Variants in WDR33 observed in about 807,000 individuals in gnomAD.
WDR33 encodes WD repeat domain 33, also known as pre-mRNA 3' end processing protein WDR33.
In WDR33, 47 loss-of-function variants were observed where a neutral mutation model predicts 164.9. The ratio of observed to expected loss-of-function variants is 0.29; its 90% CI spans 0.23 to 0.36. WDR33 has a LOEUF of 0.36. Ranked by LOEUF, WDR33 falls within the 10% of genes least tolerant of loss-of-function variation. The probability of loss-of-function intolerance (pLI) is 1.00; values close to 1 mark genes in which losing one functional copy is unlikely to be tolerated. For missense variants in WDR33, 1,137 were observed against 1,754.1 expected (o/e 0.65, Z 6.28); for synonymous variants, 505 against 589.0 (o/e 0.86, Z 2.06).
At chr2:127,797,484 TAC>T (rs1558962403) in intron 1 of WDR33, among the ~76,000 whole-genome samples, 1 of 151,978 alleles carries the variant, frequency 6.6e-6, no homozygotes, top group Non-Finnish European at 1.5e-5. Context: ...AGAACAAGAC[TAC>T]GTCACACACA....
chr2:127,767,538 C>A (rs1687858824), intron 4 of WDR33, among the ~76,000 whole-genome samples: 1 of 151,894 alleles, frequency 6.6e-6, no homozygotes, highest in East Asian at 1.9e-4. Context: ...ACGGTGAAAC[C>A]CCGTCTCTAC....
At chr2:127,779,918 C>A (rs1389322867) in intron 1 of WDR33, among the ~76,000 whole-genome samples, 1 of 151,920 alleles carries the variant, frequency 6.6e-6, no homozygotes. Context: ...ATTATTGATG[C>A]ATTAACTAGC....
rs1046662202 is a variant in WDR33 at position 127,726,187 on chromosome 2, A to G, written c.851+464T>C. ...AATGTTCACAAATAACTGAAAGAGA[A>G]AACTAGATTACATAGCTGCATCGTA... On this transcript the variant is annotated intron_variant, in intron 8 of 21. Coordinates refer to ENST00000322313, the MANE Select transcript of WDR33 (RefSeq NM_018383.5). This position sits in a 1 kb window ranked among gnomAD's most constrained non-coding sequence, Gnocchi z 4.8. Among the ~76,000 whole-genome samples, 1 of 152,254 alleles carries G rather than the reference A, an allele frequency of 6.6e-6. No individual in the cohort carries two copies. The highest frequency in any genetic ancestry group is 2.4e-5 in the African/African-American group (1 of 41,468).
chr2:127,788,168 C>T (rs1301906837), intron 1 of WDR33, among the ~76,000 whole-genome samples: 79 of 102,552 alleles, frequency 7.7e-4, no homozygotes, highest in Non-Finnish European at 8.8e-4. Context: ...CCCTCACCTC[C>T]CAGACGGGGC....
chr2:127,754,002 G>A (rs897840850), intron 7 of WDR33, among the ~76,000 whole-genome samples: 6 of 152,144 alleles, frequency 3.9e-5, no homozygotes, highest in African/African-American at 1.4e-4. Flanking sequence ...GAGGTAGTTA[G>A]GCAAGTGTAT....
chr2:127,782,775 C>T (rs374317237), intron 1 of WDR33, among the ~76,000 whole-genome samples: 1 of 152,034 alleles, frequency 6.6e-6, no homozygotes, highest in Non-Finnish European at 1.5e-5. Flanking sequence ...TTTGGGAGGC[C>T]GAGGCAGGTG....
chr2:127,733,423 T>C (rs919815192), intron 7 of WDR33, among the ~76,000 whole-genome samples: 11 of 152,250 alleles, frequency 7.2e-5, no homozygotes, highest in African/African-American at 2.4e-4. Context: ...GGAGGTACAA[T>C]TGCAAAATTC....
Position 127,708,536 on chromosome 2 carries a change from C to T in WDR33, c.3781+141G>A. 1 of 917,246 alleles carries T rather than the reference C, an allele frequency of 1.1e-6. No homozygotes were observed. Among genetic ancestry groups the T allele is most frequent in the Non-Finnish European group, 1.6e-6 (1 of 617,140 alleles). 56.8% of individuals were successfully genotyped at this position (917,246 alleles called of 1,614,324 possible). On this transcript the variant is annotated intron_variant, in intron 21 of 21. Coordinates refer to ENST00000322313, the MANE Select transcript of WDR33 (RefSeq NM_018383.5). This position sits in a 1 kb window ranked among gnomAD's most constrained non-coding sequence, Gnocchi z 6.7. The stretch of plus-strand genomic sequence containing the variant: ...GGCTGAGTTGCAGTCCACCAGATGA[C>T]AGCTCGTGTGGCACTGGCACCACAT...
At chr2:127,765,943 T>C (rs1343973294) in intron 4 of WDR33, among the ~76,000 whole-genome samples, 1 of 152,168 alleles carries the variant, frequency 6.6e-6, no homozygotes, top group Non-Finnish European at 1.5e-5. Flanking sequence ...TACACATAGA[T>C]GTATATATTT....
Position 127,705,189 on chromosome 2 carries a change from C to A in WDR33, c.*1134G>T, listed in dbSNP as rs1388316347. ...AATGTTAAGGTGGCCATAGGACAGT[C>A]CTTTTAATAAAAGCTTCCATGTAAA... On this transcript the variant is annotated 3_prime_UTR_variant, in exon 22 of 22. Coordinates refer to ENST00000322313, the MANE Select transcript of WDR33 (RefSeq NM_018383.5). The surrounding 1 kb of genome is among the most constrained non-coding windows in gnomAD (Gnocchi z 4.5). 2.4e-5 allele frequency: 4 copies of A among 167,080 alleles called. No individual in the cohort carries two copies. Among genetic ancestry groups the A allele is most frequent in the Non-Finnish European group, 2.9e-5 (2 of 68,122 alleles). 10.3% of individuals were successfully genotyped at this position (167,080 alleles called of 1,614,324 possible). A position where few individuals can be genotyped will look rare whatever the true frequency, so the allele number is the denominator to read the frequency against.
Position 127,735,798 on chromosome 2 carries a change from A to G in WDR33, c.725-9021T>C, listed in dbSNP as rs1255002457. 4 of 985,438 alleles carry G rather than the reference A, an allele frequency of 4.1e-6. No individual in the cohort carries two copies. Among genetic ancestry groups the G allele is most frequent in the Non-Finnish European group, 4.8e-6 (4 of 829,914 alleles). The allele number at this position is 985,438 out of a possible 1,614,324, so 61.0% of individuals were successfully genotyped here. A position where few individuals can be genotyped will look rare whatever the true frequency, so the allele number is the denominator to read the frequency against. ...GCTCTGGTCAAGGAATATGCAATTT[A>G]TTAGTATTTTACCTTCCTTTAATGC... On this transcript the variant is annotated intron_variant, in intron 7 of 21. Transcript: ENST00000322313. This position sits in a 1 kb window ranked among gnomAD's most constrained non-coding sequence, Gnocchi z 4.3.
intron 3 of WDR33, among the ~76,000 whole-genome samples, chr2:127,768,531 C>A (rs1180968722): frequency 6.6e-6 from 1 of 152,132 alleles, no homozygotes; most frequent in East Asian, 1.9e-4. Context: ...AGTACCAGTA[C>A]TAACCCAGTA....
rs1199721477 is a variant in WDR33, at chr2:127,708,541, C to T, written c.3781+136G>A. ...AGTTGCAGTCCACCAGATGACAGCT[C>T]GTGTGGCACTGGCACCACATTTAGG... On this transcript the variant is annotated intron_variant, in intron 21 of 21. Coordinates refer to ENST00000322313, the MANE Select transcript of WDR33 (RefSeq NM_018383.5). This position sits in a 1 kb window ranked among gnomAD's most constrained non-coding sequence, Gnocchi z 6.7. 12 of 945,224 alleles carry T rather than the reference C, an allele frequency of 1.3e-5. No homozygotes were observed. The highest frequency in any genetic ancestry group is 3.3e-5 in the African/African-American group (2 of 60,520). 58.6% of individuals were successfully genotyped at this position (945,224 alleles called of 1,614,324 possible).
intron 1 of WDR33, among the ~76,000 whole-genome samples, chr2:127,796,392 G>A (rs1431635884): frequency 1.3e-5 from 2 of 151,702 alleles, no homozygotes; most frequent in Non-Finnish European, 2.9e-5. Flanking sequence ...TCTCATGTGT[G>A]AGAGATAGCA....
Position 127,705,569 on chromosome 2 carries a change from A to T in WDR33, c.*754T>A, listed in dbSNP as rs2105367371. 1 of 152,352 alleles carries T rather than the reference A, an allele frequency of 6.6e-6. No individual in the cohort carries two copies. The highest frequency in any genetic ancestry group is 1.9e-4 in the East Asian group (1 of 5,188). The allele number at this position is 152,352 out of a possible 1,614,324, so 9.4% of individuals were successfully genotyped here. On this transcript the variant is annotated 3_prime_UTR_variant, in exon 22 of 22. Transcript: ENST00000322313. This position sits in a 1 kb window ranked among gnomAD's most constrained non-coding sequence, Gnocchi z 4.5. ...CTCCTCATCATAACAAGGCGATTCA[A>T]ACCTAAACTGTGATTCTTAGGAGAT...
intron 1 of WDR33, among the ~76,000 whole-genome samples, chr2:127,790,517 T>C (rs1688805977): frequency 6.6e-6 from 1 of 152,236 alleles, no homozygotes; most frequent in Non-Finnish European, 1.5e-5. Flanking sequence ...TATTCTTAAA[T>C]ATTTGGTAGA....
chr2:127,703,545 T>C lies in WDR33; in HGVS notation c.*2778A>G, dbSNP rs775553872. The C allele has an allele frequency of 2.4e-5, 4 of 167,238 alleles. No individual in the cohort carries two copies. Among genetic ancestry groups the C allele is most frequent in the Middle Eastern group, 3.4e-3 (1 of 296 alleles). 10.4% of individuals were successfully genotyped at this position (167,238 alleles called of 1,614,324 possible). A position where few individuals can be genotyped will look rare whatever the true frequency, so the allele number is the denominator to read the frequency against. ...TGACACAAGTGGCCAACATCCACAC[T>C]GTAGGCTTGCAGGCTACCCGCCCTG... On this transcript the variant is annotated 3_prime_UTR_variant, in exon 22 of 22. Transcript: ENST00000322313.
chr2:127,761,809 T>C (rs534638354), intron 7 of WDR33, among the ~76,000 whole-genome samples: 124 of 152,316 alleles, frequency 8.1e-4, no homozygotes, highest in African/African-American at 2.8e-3. Context: ...ATGACCTTTA[T>C]AGTGAGTAAA....
At chr2:127,803,261 A>C (rs963522358) in intron 1 of WDR33, among the ~76,000 whole-genome samples, 7 of 152,122 alleles carry the variant, frequency 4.6e-5, no homozygotes, top group Non-Finnish European at 1.5e-5. Context: ...AATGCCACTA[A>C]TGTTAACTTT....
Sources: allele counts gnomAD v4.1 joint callset (sites outside exome capture counted in the v4.1 genomes callset), GRCh38; gene constraint gnomAD v4.1.1; non-coding constraint Gnocchi (gnomAD v3.1); transcripts MANE v1.5; gene names NCBI Gene and HGNC (gene_info 2026-07-23, HGNC 2026-07-21).